The following LAMA2 variants were observed in gnomAD, a reference collection of about 807,000 sequenced individuals.
The protein encoded by LAMA2 is laminin subunit alpha 2.
A neutral mutation model predicts 364.8 loss-of-function variants in LAMA2; 269 were observed. The ratio of observed to expected loss-of-function variants is 0.74; its 90% CI spans 0.67 to 0.82. The LOEUF is 0.82. Ranked by LOEUF, LAMA2 falls within the 40% of genes least tolerant of loss-of-function variation. The pLI, the probability that LAMA2 is intolerant of heterozygous loss-of-function variation, is 0.00. For missense variants in LAMA2, 3,807 were observed against 3,873.2 expected (o/e 0.98, Z 0.45); for synonymous variants, 1,379 against 1,370.6 (o/e 1.01, Z -0.14).
At chr6:129,347,560 A>C (rs1243813538) in intron 30 of LAMA2, among the ~76,000 whole-genome samples, 1 of 152,178 alleles carries the variant, frequency 6.6e-6, no homozygotes, top group Non-Finnish European at 1.5e-5. Context: ...TTATCTCTGC[A>C]GTGTCCATAG....
rs1231876985 is a variant in LAMA2 at position 129,291,690 on chromosome 6, C to T, written c.2826C>T (p.Asn942=). Residue 942 remains asparagine (N), a synonymous_variant, in exon 20 of 65, where the codon AAC becomes AAT. Transcript: ENST00000421865. The part of the protein sequence containing the change: ...SQTGQCECRA[N]VQGQRCDKCK... ...CTGGACAGTGTGAGTGCAGAGCCAA[C>T]GTTCAGGGTCAGAGATGTGACAAAT... 9 of 1,613,622 alleles carry T rather than the reference C, an allele frequency of 5.6e-6. No individual in the cohort carries two copies. Among genetic ancestry groups the T allele is most frequent in the South Asian group, 4.4e-5 (4 of 91,080 alleles).
At chr6:128,886,809 T>C (rs35667186) in intron 1 of LAMA2, among the ~76,000 whole-genome samples, 14,519 of 152,204 alleles carry the variant, frequency 0.095, 722 homozygotes, top group South Asian at 0.12. Context: ...TTTTGAGTTG[T>C]TCAGAAATAG....
chr6:129,395,849 C>T (rs1012710857), intron 37 of LAMA2, among the ~76,000 whole-genome samples: 2 of 151,976 alleles, frequency 1.3e-5, no homozygotes, highest in Non-Finnish European at 2.9e-5. Flanking sequence ...TATACAAAGG[C>T]ATGGAGGAAA....
rs113048084 is a variant in LAMA2, at chr6:129,106,274, G to A, written c.639+7859G>A. Among the ~76,000 whole-genome samples, 763 of 151,932 alleles carry A rather than the reference G, an allele frequency of 5.0e-3. 5 individuals carry two copies. Among genetic ancestry groups the A allele is most frequent in the Non-Finnish European group, 6.9e-3 (472 of 67,998 alleles). ...CCTCTTTTCATCATCTGACATTATG[G>A]TGGTCCTTAGAATTGCAAATACAGG... On this transcript the variant is annotated intron_variant, in intron 4 of 64. Coordinates refer to ENST00000421865, the MANE Select transcript of LAMA2 (RefSeq NM_000426.4).
At chr6:129,041,740 T>C (rs1787113045) in intron 1 of LAMA2, among the ~76,000 whole-genome samples, 1 of 152,146 alleles carries the variant, frequency 6.6e-6, no homozygotes, top group South Asian at 2.1e-4. Context: ...TAGTGGCTGA[T>C]GCCTGTAATC....
chr6:129,302,000 G>C (rs1252517818), intron 22 of LAMA2, among the ~76,000 whole-genome samples: 4 of 151,980 alleles, frequency 2.6e-5, no homozygotes, highest in Non-Finnish European at 5.9e-5. Flanking sequence ...TCTAAAAATT[G>C]CTTAATAATA....
At chr6:129,179,146 C>G (rs547780852) in intron 10 of LAMA2, among the ~76,000 whole-genome samples, 165 of 152,042 alleles carry the variant, frequency 1.1e-3, no homozygotes, top group African/African-American at 3.7e-3. Flanking sequence ...GACACCTCCC[C>G]TCTCCATCTT....
chr6:129,316,202 T>C, intron 27 of LAMA2, 31 bp downstream of exon 27: 1 of 1,554,992 alleles, frequency 6.4e-7, no homozygotes, highest in Non-Finnish European at 8.8e-7. Context: ...TTCAAGCTCT[T>C]ATTTTAGAGT....
At chr6:129,368,900 A>G (rs1262026160) in intron 33 of LAMA2, among the ~76,000 whole-genome samples, 4 of 152,242 alleles carry the variant, frequency 2.6e-5, no homozygotes, top group Admixed American at 6.5e-5. Context: ...GCCAAAGACC[A>G]TCAAGGACAC....
At chr6:129,399,180 A>G (rs1218942823) in intron 37 of LAMA2, among the ~76,000 whole-genome samples, 1 of 152,218 alleles carries the variant, frequency 6.6e-6, no homozygotes, top group Non-Finnish European at 1.5e-5. Context: ...AAAAGAAAAT[A>G]ATATTGTCTA....
rs760410395 is a variant in LAMA2 at position 129,165,636 on chromosome 6, A to C, written c.1267A>C (p.Asn423His). 1 of 1,613,376 alleles carries C rather than the reference A, an allele frequency of 6.2e-7. No individual in the cohort carries two copies. The highest frequency in any genetic ancestry group is 1.1e-5 in the South Asian group (1 of 90,992). Residue 423 changes from asparagine (N) to histidine (H), a missense_variant, in exon 9 of 65, where the codon AAT becomes CAT. Transcript: ENST00000421865. The part of the protein sequence containing the change: ...PCHCDPIGSL[N>H]EVCVKDEKHA... ...TCATTGCGATCCAATTGGTTCCTTA[A>C]ATGAAGTCTGTGTCAAGGATGAGAA... is the stretch of plus-strand genomic sequence containing the variant.
rs577933971 is a variant in LAMA2, at chr6:129,450,402, C to T, written c.6430-2586C>T. 3.4e-3 allele frequency among the ~76,000 whole-genome samples: 523 copies of T among 152,136 alleles called. 5 individuals carry two copies. Among genetic ancestry groups the T allele is most frequent in the African/African-American group, 0.012 (496 of 41,504 alleles). ...TGGCACGATCTCAGCTCACTGCAACCTCTGCCTCTTGGGTTCAAGCAATTC... is the reference window on the plus strand; with the variant it reads ...TGGCACGATCTCAGCTCACTGCAACTTCTGCCTCTTGGGTTCAAGCAATTC... On this transcript the variant is annotated intron_variant, in intron 45 of 64. Transcript: ENST00000421865.
chr6:129,187,975 A>G (rs942413105), intron 10 of LAMA2, among the ~76,000 whole-genome samples: 6 of 151,902 alleles, frequency 3.9e-5, no homozygotes, highest in East Asian at 1.9e-4. Flanking sequence ...CATTCTATCT[A>G]TGTCCACAAG....
intron 3 of LAMA2, among the ~76,000 whole-genome samples, chr6:129,095,639 G>T (rs569690464): frequency 6.6e-6 from 1 of 151,930 alleles, no homozygotes; most frequent in East Asian, 1.9e-4. Flanking sequence ...GGCCGGGCAC[G>T]GTGGCTCATG....
chr6:129,085,505 G>C (rs969755493), intron 3 of LAMA2, among the ~76,000 whole-genome samples: 39 of 152,080 alleles, frequency 2.6e-4, no homozygotes, highest in African/African-American at 8.7e-4. Flanking sequence ...GATTAAACTA[G>C]ACACTTGATT....
chr6:129,268,523 A>G (rs1787671723), intron 16 of LAMA2, among the ~76,000 whole-genome samples: 1 of 152,110 alleles, frequency 6.6e-6, no homozygotes, highest in African/African-American at 2.4e-5. Flanking sequence ...GATAAAATCA[A>G]ATCAAATTTT....
chr6:129,093,727 A>G (rs1774990223), intron 3 of LAMA2, among the ~76,000 whole-genome samples: 1 of 152,256 alleles, frequency 6.6e-6, no homozygotes, highest in South Asian at 2.1e-4. Context: ...GCAAATGAGT[A>G]ACAAATGGAA....
intron 3 of LAMA2, among the ~76,000 whole-genome samples, chr6:129,097,732 CT>C (rs1451220142): frequency 6.6e-6 from 1 of 152,158 alleles, no homozygotes; most frequent in African/African-American, 2.4e-5. Context: ...CTAAATGGCA[CT>C]TTTTTGAGGA....
At chr6:128,895,367 T>C (rs756653673) in intron 1 of LAMA2, among the ~76,000 whole-genome samples, 1 of 148,998 alleles carries the variant, frequency 6.7e-6, no homozygotes, top group Non-Finnish European at 1.5e-5. Flanking sequence ...GCGCGGTGGC[T>C]CACGCCTGTA....
Sources: gnomAD v4.1 joint callset for allele counts (sites outside exome capture counted in the v4.1 genomes callset) on GRCh38, gnomAD v4.1.1 for gene constraint, MANE v1.5 for transcripts, NCBI Gene and HGNC (gene_info 2026-07-23, HGNC 2026-07-21) for gene names.